LRRTM4: variants seen among roughly 807,000 people sequenced by gnomAD.
LRRTM4 encodes the protein leucine-rich repeat transmembrane neuronal protein 4.
A neutral mutation model predicts 47.6 loss-of-function variants in LRRTM4; 25 were observed. The ratio of observed to expected loss-of-function variants is 0.53; its 90% CI spans 0.38 to 0.73. The LOEUF is 0.73. LRRTM4 is among the 30% of genes least tolerant of loss of function. LRRTM4 has a pLI of 0.00. For missense variants in LRRTM4, 638 were observed against 713.4 expected, an observed-to-expected ratio of 0.89 and a Z score of 1.20; for synonymous variants, 311 against 269.5, an observed-to-expected ratio of 1.15 and a Z score of -1.51.
intron 3 of LRRTM4, among the ~76,000 whole-genome samples, chr2:77,022,966 C>G (rs1290313850): frequency 6.6e-6 from 1 of 152,264 alleles, no homozygotes; most frequent in East Asian, 1.9e-4. Flanking sequence ...CATTTCCCTT[C>G]TGCACTGCCC....
intron 3 of LRRTM4, among the ~76,000 whole-genome samples, chr2:76,890,394 T>C (rs539863570): frequency 3.4e-4 from 52 of 152,148 alleles, no homozygotes; most frequent in African/African-American, 1.2e-3. Context: ...ACAAGTTCTA[T>C]AAGCATGGGT....
chr2:77,313,789 G>A (rs382945), intron 3 of LRRTM4, among the ~76,000 whole-genome samples: 31,828 of 151,892 alleles, frequency 0.21, 3,777 homozygotes, highest in East Asian at 0.5. Flanking sequence ...TGAAGACAAA[G>A]TTATTCCTAA....
chr2:77,113,769 C>T (rs1558586668), intron 3 of LRRTM4, among the ~76,000 whole-genome samples: 1 of 151,826 alleles, frequency 6.6e-6, no homozygotes, highest in Admixed American at 6.6e-5. Context: ...GACAGGAGGG[C>T]GAGGGGCTGC....
At chr2:77,443,966 C>A (rs1311422103) in intron 3 of LRRTM4, among the ~76,000 whole-genome samples, 2 of 152,020 alleles carry the variant, frequency 1.3e-5, no homozygotes, top group Non-Finnish European at 2.9e-5. Context: ...AAAAAGTACA[C>A]AGGCATAGAA....
chr2:77,329,242 A>G (rs376321894), intron 3 of LRRTM4, among the ~76,000 whole-genome samples: 4 of 152,182 alleles, frequency 2.6e-5, no homozygotes, highest in African/African-American at 9.7e-5. Flanking sequence ...TTTACATAAA[A>G]TTGTACCTTT....
chr2:77,454,956 G>A (rs956026094), intron 3 of LRRTM4, among the ~76,000 whole-genome samples: 1 of 152,122 alleles, frequency 6.6e-6, no homozygotes, highest in Non-Finnish European at 1.5e-5. Context: ...GGGAGGCTGA[G>A]GCAGGCAGAT....
chr2:77,470,475 T>C (rs535542692), intron 3 of LRRTM4, among the ~76,000 whole-genome samples: 56 of 152,196 alleles, frequency 3.7e-4, no homozygotes, highest in African/African-American at 1.3e-3. Context: ...AATACTAAAC[T>C]ACGAGAAGGC....
At chr2:77,062,711 T>C (rs992814516) in intron 3 of LRRTM4, among the ~76,000 whole-genome samples, 6 of 152,248 alleles carry the variant, frequency 3.9e-5, no homozygotes, top group East Asian at 3.9e-4. Flanking sequence ...TAACATATTC[T>C]TTAATTTTCA....
At chr2:77,137,692 G>T (rs1468831856) in intron 3 of LRRTM4, among the ~76,000 whole-genome samples, 5 of 152,072 alleles carry the variant, frequency 3.3e-5, no homozygotes, top group Non-Finnish European at 7.4e-5. Context: ...ATTGGAAAAA[G>T]AGTCAAGACC....
At chr2:76,894,059 T>C (rs72821252) in intron 3 of LRRTM4, among the ~76,000 whole-genome samples, 22,116 of 151,948 alleles carry the variant, frequency 0.15, 2,036 homozygotes, top group Admixed American at 0.22. Flanking sequence ...AGTTAATTAA[T>C]TGTATGTAGT....
intron 3 of LRRTM4, among the ~76,000 whole-genome samples, chr2:77,160,459 G>C (rs1292234842): frequency 6.6e-6 from 1 of 151,200 alleles, no homozygotes; most frequent in Admixed American, 6.6e-5. Flanking sequence ...TTTTAGTGTT[G>C]AACTTATAGA....
intron 3 of LRRTM4, among the ~76,000 whole-genome samples, chr2:77,036,906 C>T (rs887091958): frequency 4.0e-5 from 6 of 151,682 alleles, no homozygotes; most frequent in African/African-American, 1.2e-4. Context: ...TATTTATTAA[C>T]CTAAGGTTGT....
At chr2:76,786,455 T>C (rs895573525) in intron 3 of LRRTM4, among the ~76,000 whole-genome samples, 24 of 152,258 alleles carry the variant, frequency 1.6e-4, no homozygotes, top group Admixed American at 8.5e-4. Flanking sequence ...TCTTTCATTG[T>C]CATAGAACTC....
chr2:77,061,660 CATAT>C (rs1337150978), intron 3 of LRRTM4, among the ~76,000 whole-genome samples: 1 of 152,122 alleles, frequency 6.6e-6, no homozygotes, highest in Middle Eastern at 3.2e-3. Flanking sequence ...TTCATATATA[CATAT>C]ATATGTATCA....
At chr2:77,384,218 A>C (rs1673171465) in intron 3 of LRRTM4, among the ~76,000 whole-genome samples, 1 of 151,400 alleles carries the variant, frequency 6.6e-6, no homozygotes, top group Non-Finnish European at 1.5e-5. Flanking sequence ...TATTAGGTAG[A>C]TAAAGTTTTT....
At chr2:76,794,626 T>A (rs1301418773) in intron 3 of LRRTM4, among the ~76,000 whole-genome samples, 1 of 152,224 alleles carries the variant, frequency 6.6e-6, no homozygotes, top group African/African-American at 2.4e-5. Context: ...AATAATTTTA[T>A]CTGTTTTCCT....
intron 3 of LRRTM4, among the ~76,000 whole-genome samples, chr2:77,055,095 T>C (rs1275232377): frequency 6.6e-6 from 1 of 152,116 alleles, no homozygotes. Flanking sequence ...AAGAGGATAC[T>C]GACTCCGCTA....
intron 3 of LRRTM4, among the ~76,000 whole-genome samples, chr2:76,969,209 C>G (rs1020985752): frequency 6.6e-6 from 1 of 151,858 alleles, no homozygotes; most frequent in Non-Finnish European, 1.5e-5. Context: ...GTCAGGTTGC[C>G]CAAGGAGTAA....
At chr2:76,999,722 T>G (rs976461443) in intron 3 of LRRTM4, among the ~76,000 whole-genome samples, 2 of 152,158 alleles carry the variant, frequency 1.3e-5, no homozygotes, top group Admixed American at 1.3e-4. Context: ...CAGATAATAG[T>G]GAATTCAATT....
Sources: gnomAD v4.1 joint callset for allele counts (sites outside exome capture counted in the v4.1 genomes callset) on GRCh38, gnomAD v4.1.1 for gene constraint, MANE v1.5 for transcripts, NCBI Gene and HGNC (gene_info 2026-07-23, HGNC 2026-07-21) for gene names.